Variants in ANKRD62 observed in about 807,000 individuals in gnomAD.
ANKRD62 encodes ankyrin repeat domain-containing protein 62.
ANKRD62 carries 61 observed loss-of-function variants against 98.8 expected under a neutral mutation model. The ratio of observed to expected loss-of-function variants is 0.62; its 90% CI spans 0.50 to 0.76. The LOEUF is 0.76. ANKRD62 is among the 30% of genes least tolerant of loss of function. The probability of loss-of-function intolerance (pLI) is 0.00; values close to 1 mark genes in which losing one functional copy is unlikely to be tolerated. For synonymous variants in ANKRD62, 341 were observed against 367.9 expected, an observed-to-expected ratio of 0.93 and a Z score of 0.84; for missense variants, 933 against 1,082.9, an observed-to-expected ratio of 0.86 and a Z score of 1.94.
chr18:12,156,001 G>A, the ANKRD62 span, among the ~76,000 whole-genome samples: 3 of 152,054 alleles, frequency 2.0e-5, no homozygotes, highest in Admixed American at 6.5e-5. Context: ...CACTCTGTTA[G>A]TTCAGGCCAG....
intron 10 of ANKRD62, among the ~76,000 whole-genome samples, chr18:12,116,720 G>A (rs189724711): frequency 4.2e-4 from 64 of 152,144 alleles, no homozygotes; most frequent in Non-Finnish European, 5.9e-4. Context: ...GCATTTCCAC[G>A]TGAACTTTAG....
In ANKRD62 at chr18:12,115,402, C is replaced by T; in HGVS notation, c.1108C>T (p.Gln370Ter). The change falls in exon 10 of 14, where the codon CAA (glutamine) becomes TAA (stop). Residue 370 changes from glutamine (Q) to a stop codon, truncating the protein, a stop_gained. Transcript: ENST00000587848. LOFTEE classifies it high-confidence loss of function. ...TSNEKSKVKSQIYFTDDLNDI... is the reference protein window; with the variant it reads ...TSNEKSKVKS ...GTTATTTATTTTATAGGTTAAAAGCCAAATATATTTCACGGATGACCTTAA... is the reference window on the plus strand; with the variant it reads ...GTTATTTATTTTATAGGTTAAAAGCTAAATATATTTCACGGATGACCTTAA... 1 of 1,532,582 alleles carries T rather than the reference C, an allele frequency of 6.5e-7. No homozygotes were observed. Among genetic ancestry groups the T allele is most frequent in the Non-Finnish European group, 8.7e-7 (1 of 1,144,732 alleles). 94.9% of individuals were successfully genotyped at this position (1,532,582 alleles called of 1,614,324 possible). A position where few individuals can be genotyped will look rare whatever the true frequency, so the allele number is the denominator to read the frequency against.
the ANKRD62 span, among the ~76,000 whole-genome samples, chr18:12,160,088 G>A: frequency 6.6e-6 from 1 of 152,068 alleles, no homozygotes; most frequent in African/African-American, 2.4e-5. Context: ...CTATAATCAT[G>A]TCTTAGATAC....
chr18:12,163,189 T>G, the ANKRD62 span, among the ~76,000 whole-genome samples: 1 of 152,120 alleles, frequency 6.6e-6, no homozygotes, highest in African/African-American at 2.4e-5. Flanking sequence ...TTATTATCAG[T>G]GTTTCATAGT....
downstream of ANKRD62, among the ~76,000 whole-genome samples, chr18:12,130,534 A>AT (rs1292580279): frequency 2.6e-5 from 4 of 152,106 alleles, no homozygotes; most frequent in Non-Finnish European, 5.9e-5. Context: ...CCAAAAGTAG[A>AT]TTTTTTCAGA....
chr18:12,174,448 C>G, the ANKRD62 span, among the ~76,000 whole-genome samples: 1 of 152,296 alleles, frequency 6.6e-6, no homozygotes, highest in Non-Finnish European at 1.5e-5. Flanking sequence ...CAACATACTC[C>G]CGTAGCTCAG....
chr18:12,160,047 T>G, the ANKRD62 span, among the ~76,000 whole-genome samples: 1 of 152,198 alleles, frequency 6.6e-6, no homozygotes, highest in Non-Finnish European at 1.5e-5. Flanking sequence ...TATTCTGTTT[T>G]CTTATAAACT....
At chr18:12,136,463 G>C in the ANKRD62 span, among the ~76,000 whole-genome samples, 1 of 152,332 alleles carries the variant, frequency 6.6e-6, no homozygotes, top group East Asian at 1.9e-4. Flanking sequence ...AGCATAGTTT[G>C]AAGTCAGGTG....
At chr18:12,140,643 C>T in the ANKRD62 span, among the ~76,000 whole-genome samples, 139 of 152,316 alleles carry the variant, frequency 9.1e-4, 3 homozygotes, top group East Asian at 0.02. Flanking sequence ...GTATCAGCAG[C>T]GGTGGCTGCA....
intron 10 of ANKRD62, among the ~76,000 whole-genome samples, chr18:12,119,219 A>C (rs969022990): frequency 2.6e-5 from 4 of 152,064 alleles, no homozygotes; most frequent in Non-Finnish European, 4.4e-5. Context: ...ACAGTCTGTA[A>C]TCATGTGACA....
chr18:12,146,261 G>A, the ANKRD62 span, among the ~76,000 whole-genome samples: 2 of 152,178 alleles, frequency 1.3e-5, no homozygotes, highest in Non-Finnish European at 2.9e-5. Flanking sequence ...TTCCTTGGCC[G>A]GCAGACATCT....
chr18:12,150,642 T>A, the ANKRD62 span, among the ~76,000 whole-genome samples: 2 of 152,044 alleles, frequency 1.3e-5, no homozygotes, highest in Non-Finnish European at 2.9e-5. Context: ...ATTGGGGGCC[T>A]ATATTTGACA....
At chr18:12,095,349 A>T (rs1786885680) in intron 2 of ANKRD62, 64 bp downstream of exon 2, 1 of 1,530,794 alleles carries the variant, frequency 6.5e-7, no homozygotes, top group Admixed American at 2.0e-5. Context: ...AATAAAATTA[A>T]TTCACCTCAT....
chr18:12,124,311 C>T lies in ANKRD62; in HGVS notation c.1629C>T (p.Asn543=). The change falls in exon 12 of 14, where the codon AAC becomes AAT. Residue 543 remains asparagine, a synonymous_variant. Coordinates refer to ENST00000587848, the MANE Select transcript of ANKRD62 (RefSeq NM_001277333.2). ...LEVELKTVRS[N]SNQNFHTHER... ...TGGAATTGAAGACTGTAAGAAGTAA[C>T]TCAAATCAGGTAAATTAATGTTTGG... is the stretch of plus-strand genomic sequence containing the variant. The T allele has an allele frequency of 8.8e-7, 1 of 1,131,552 alleles. No individual in the cohort carries two copies. The highest frequency in any genetic ancestry group is 1.2e-6 in the Non-Finnish European group (1 of 833,456). The allele number at this position is 1,131,552 out of a possible 1,614,324, so 70.1% of individuals were successfully genotyped here.
intron 11 of ANKRD62, among the ~76,000 whole-genome samples, chr18:12,123,317 G>A (rs969891218): frequency 5.4e-4 from 82 of 152,150 alleles, no homozygotes; most frequent in African/African-American, 1.9e-3. Flanking sequence ...GGCTCCCAAA[G>A]TTCTGGGATT....
At chr18:12,158,571 G>A in the ANKRD62 span, among the ~76,000 whole-genome samples, 4 of 151,918 alleles carry the variant, frequency 2.6e-5, no homozygotes, top group South Asian at 8.3e-4. Flanking sequence ...TGTCGCCCTG[G>A]CTGGAGTGCA....
At chr18:12,153,579 G>A in the ANKRD62 span, among the ~76,000 whole-genome samples, 7 of 138,668 alleles carry the variant, frequency 5.0e-5, no homozygotes, top group East Asian at 4.1e-4. Flanking sequence ...GTGACAGAGC[G>A]AGACTCTGCC....
At chr18:12,124,052 A>T in intron 11 of ANKRD62, 85 bp from the exon 12 acceptor site, 1 of 642,030 alleles carries the variant, frequency 1.6e-6, no homozygotes, top group Non-Finnish European at 2.4e-6. Context: ...AATATTCAAG[A>T]ACATGGGCAC....
chr18:12,114,287 T>TA (rs1038417555), intron 8 of ANKRD62, among the ~76,000 whole-genome samples: 5 of 151,934 alleles, frequency 3.3e-5, no homozygotes, highest in Non-Finnish European at 7.4e-5. Flanking sequence ...CCACTGAACT[T>TA]AAAAAAAATG....
Sources: gnomAD v4.1 joint callset for allele counts (sites outside exome capture counted in the v4.1 genomes callset) on GRCh38, gnomAD v4.1.1 for gene constraint, MANE v1.5 for transcripts, NCBI Gene and HGNC (gene_info 2026-07-23, HGNC 2026-07-21) for gene names.